CA2: variants seen among roughly 807,000 people sequenced by gnomAD.
CA2 encodes carbonate dehydratase II.
A neutral mutation model predicts 27.8 loss-of-function variants in CA2; 23 were observed. That is an observed-to-expected ratio of 0.83 (90% CI 0.59 to 1.17). The LOEUF is 1.17. Among genes scored for constraint, CA2 ranks in the 50% most tolerant of loss-of-function variants. The pLI, the probability that CA2 is intolerant of heterozygous loss-of-function variation, is 0.00. For synonymous variants in CA2, 99 were observed against 114.9 expected, an observed-to-expected ratio of 0.86 and a Z score of 0.88; for missense variants, 300 against 314.7, an observed-to-expected ratio of 0.95 and a Z score of 0.35.
At chr8:85,476,011 A>T in intron 5 of CA2, 151 bp downstream of exon 5, 1 of 693,868 alleles carries the variant, frequency 1.4e-6, no homozygotes, top group Non-Finnish European at 2.6e-6. Context: ...TTAAATATTT[A>T]ATTAACGTTT....
Position 85,477,193 on chromosome 8 carries a change from C to T in CA2, c.581C>T (p.Pro194Leu). ...GAATCCTTGGATTACTGGACCTACC[C>T]AGGCTCACTGACCACCCCTCCTCTT... Reference protein sequence around the residue: ...LPESLDYWTYPGSLTTPPLLE... With the variant: ...LPESLDYWTYLGSLTTPPLLE... The change falls in exon 6 of 7, where the codon CCA (proline) becomes CTA (leucine). Residue 194 changes from proline (P) to leucine (L), a missense_variant. Coordinates refer to ENST00000285379, the MANE Select transcript of CA2 (RefSeq NM_000067.3). The T allele has an allele frequency of 6.2e-7, 1 of 1,614,102 alleles. No homozygotes were observed. Among genetic ancestry groups the T allele is most frequent in the Non-Finnish European group, 8.5e-7 (1 of 1,179,988 alleles).
At chr8:85,464,387 C>T (rs2130541051) in intron 1 of CA2, 1 of 425,794 alleles carries the variant, frequency 2.3e-6, no homozygotes, top group Non-Finnish European at 4.1e-6. Flanking sequence ...GGAGGGGAGG[C>T]GCAGCCCTGG....
At chr8:85,477,071 C>G in intron 5 of CA2, 49 bp from the exon 6 acceptor site, 1 of 1,600,620 alleles carries the variant, frequency 6.2e-7, no homozygotes, top group Non-Finnish European at 8.6e-7. Context: ...TACCTTCCTC[C>G]TACTCTGTCA....
At chr8:85,474,079 A>G (rs550144991) in intron 3 of CA2, 1 of 607,062 alleles carries the variant, frequency 1.6e-6, no homozygotes, top group South Asian at 2.0e-5. Context: ...ATTTAGAAAT[A>G]AAATGTGTGC....
chr8:85,481,399 G>A lies in CA2; in HGVS notation c.*610G>A, dbSNP rs916996382. ...ATCTGTAAAAATTGTTATAATTAGA[G>A]TTGTGATACAGAGTATATTTCCATT... is the stretch of plus-strand genomic sequence containing the variant. On this transcript the variant is annotated 3_prime_UTR_variant, in exon 7 of 7. Transcript: ENST00000285379. The A allele has an allele frequency of 6.6e-6, 1 of 152,554 alleles. No homozygotes were observed. The highest frequency in any genetic ancestry group is 1.9e-4 in the East Asian group (1 of 5,206). 9.5% of individuals were successfully genotyped at this position (152,554 alleles called of 1,614,324 possible).
At chr8:85,474,102 CTG>C (rs1474139255) in intron 3 of CA2, 2 of 612,222 alleles carry the variant, frequency 3.3e-6, no homozygotes, top group Non-Finnish European at 5.8e-6. Context: ...TCTGTCAAAA[CTG>C]TACATTTATT....
At chr8:85,465,939 T>TG (rs1373444094) in intron 2 of CA2, among the ~76,000 whole-genome samples, 1 of 152,104 alleles carries the variant, frequency 6.6e-6, no homozygotes, top group African/African-American at 2.4e-5. Flanking sequence ...TCTGGGAAAA[T>TG]GTTTTACTTA....
intron 6 of CA2, 148 bp downstream of exon 6, chr8:85,477,423 A>C: frequency 1.1e-6 from 1 of 891,494 alleles, no homozygotes; most frequent in East Asian, 2.5e-5. Context: ...GTGCCTAGCA[A>C]ATAAACAGCG....
chr8:85,480,398 A>G lies in CA2; in HGVS notation c.664-272A>G, dbSNP rs918918703. Among the ~76,000 whole-genome samples, 6 of 151,582 alleles carry G rather than the reference A, an allele frequency of 4.0e-5. No homozygotes were observed. The East Asian group carries it at 7.8e-4, about 20-fold the overall frequency. The stretch of plus-strand genomic sequence containing the variant: ...CTTAGCCTCCTGAGTAGCTGAGATT[A>G]CAGGTGCTCTACCACGCCTGTTTAA... On this transcript the variant is annotated intron_variant, in intron 6 of 6. Transcript: ENST00000285379.
intron 6 of CA2, among the ~76,000 whole-genome samples, chr8:85,480,371 G>A (rs1586018449): frequency 6.6e-6 from 1 of 151,804 alleles, no homozygotes; most frequent in East Asian, 1.9e-4. Context: ...TGATTCTTGT[G>A]CCTTAGCCTC....
In CA2 at chr8:85,466,367, G is replaced by A. The variant is rs138271575; in HGVS notation, c.232+898G>A. Among the ~76,000 whole-genome samples, 471 of 152,022 alleles carry A rather than the reference G, an allele frequency of 3.1e-3. 3 individuals are homozygous for A. Among genetic ancestry groups the A allele is most frequent in the African/African-American group, 0.011 (454 of 41,430 alleles). ...TGGTGGTGTGGGAGTGAGGGGAGTG[G>A]TGGAACAAAATGAGAAAGTTTTGGA... is the stretch of plus-strand genomic sequence containing the variant. On this transcript the variant is annotated intron_variant, in intron 2 of 6. Transcript: ENST00000285379.
At position 85,474,312 on chromosome 8, in the gene CA2, C is replaced by T. The variant is rs776718410; in HGVS notation, c.352-12C>T. ...TAAATCACTCACTGTGGCTTTGTCT[C>T]TTCGGCCTTAGCTTCACTTGGTTCA... is the stretch of plus-strand genomic sequence containing the variant. On this transcript the variant is annotated splice_polypyrimidine_tract_variant and intron_variant, in intron 3 of 6. Coordinates refer to ENST00000285379, the MANE Select transcript of CA2 (RefSeq NM_000067.3). The T allele has an allele frequency of 1.0e-5, 16 of 1,607,698 alleles. No homozygotes were observed. Among genetic ancestry groups the T allele is most frequent in the Middle Eastern group, 1.6e-4 (1 of 6,070 alleles).
intron 2 of CA2, among the ~76,000 whole-genome samples, chr8:85,469,049 CTTAT>C (rs988676476): frequency 1.5e-4 from 23 of 152,136 alleles, no homozygotes; most frequent in Non-Finnish European, 2.8e-4. Flanking sequence ...GAAGGATAAC[CTTAT>C]TTGACATTTA....
chr8:85,466,675 TACATACAC>T (rs1564077531), intron 2 of CA2, among the ~76,000 whole-genome samples: 1 of 69,676 alleles, frequency 1.4e-5, no homozygotes, highest in East Asian at 5.8e-4. Flanking sequence ...CATACATACA[TACATACAC>T]ACACACACAC....
chr8:85,464,334 G>A, intron 1 of CA2: 1 of 460,418 alleles, frequency 2.2e-6, no homozygotes, highest in Middle Eastern at 5.6e-4. Context: ...CGAGGCCACT[G>A]TGGAGGAATC....
chr8:85,464,218 T>A (rs1811582402), intron 1 of CA2, 103 bp downstream of exon 1: 3 of 1,116,350 alleles, frequency 2.7e-6, no homozygotes, highest in African/African-American at 1.6e-5. Context: ...CGCCCGCACA[T>A]GCTGTTTACC....
chr8:85,469,577 C>T (rs1434748691), intron 2 of CA2, among the ~76,000 whole-genome samples: 1 of 152,106 alleles, frequency 6.6e-6, no homozygotes, highest in African/African-American at 2.4e-5. Flanking sequence ...AAAAATAACT[C>T]ACCCTGCTTG....
chr8:85,480,711 A>G lies in CA2; in HGVS notation c.705A>G (p.Glu235=). 6.2e-7 allele frequency: 1 copy of G among 1,613,798 alleles called. No individual in the cohort carries two copies. Among genetic ancestry groups the G allele is most frequent in the Non-Finnish European group, 8.5e-7 (1 of 1,179,726 alleles). The change falls in exon 7 of 7, where the codon GAA becomes GAG. Residue 235 remains glutamate, a synonymous_variant. Transcript: ENST00000285379. ...FRKLNFNGEG[E]PEELMVDNWR... ...AACTTAACTTCAATGGGGAGGGTGA[A>G]CCCGAAGAACTGATGGTGGACAACT...
intron 2 of CA2, among the ~76,000 whole-genome samples, chr8:85,468,215 G>C (rs1267999498): frequency 6.6e-6 from 1 of 152,228 alleles, no homozygotes; most frequent in Admixed American, 6.5e-5. Context: ...TCTTGGACGA[G>C]AGTCCAGGCA....
Sources: allele counts gnomAD v4.1 joint callset (sites outside exome capture counted in the v4.1 genomes callset), GRCh38; gene constraint gnomAD v4.1.1; transcripts MANE v1.5; gene names NCBI Gene and HGNC (gene_info 2026-07-23, HGNC 2026-07-21).